Variants in IKZF1 observed in about 807,000 individuals in gnomAD.
IKZF1 encodes DNA-binding protein Ikaros.
IKZF1 carries 10 observed loss-of-function variants against 51.7 expected under a neutral mutation model. The observed-to-expected ratio is 0.19, with a 90% confidence interval of 0.12 to 0.33. The LOEUF (loss-of-function observed/expected upper bound fraction) is 0.33. Among genes scored for constraint, IKZF1 ranks in the 10% least tolerant of loss-of-function variants. The probability of loss-of-function intolerance (pLI) is 1.00; values close to 1 mark genes in which losing one functional copy is unlikely to be tolerated. For missense variants in IKZF1, 484 were observed against 707.5 expected (o/e 0.68, Z 3.58); for synonymous variants, 280 against 282.3 (o/e 0.99, Z 0.08).
At position 50,403,884 on chromosome 7, in the gene IKZF1, G is replaced by A. The variant is rs1818554828; in HGVS notation, c.*3257G>A. The A allele has an allele frequency of 1.4e-5, 3 of 217,598 alleles. No homozygotes were observed. Among genetic ancestry groups the A allele is most frequent in the South Asian group, 1.9e-4 (1 of 5,376 alleles). 13.5% of individuals were successfully genotyped at this position (217,598 alleles called of 1,614,324 possible). On this transcript the variant is annotated 3_prime_UTR_variant, in exon 8 of 8. Transcript: ENST00000331340. ...GTGTCCTCTTCTTGCCAAAACAAACGCGAGATGAACTGGACTTATGTAGAC... is the reference window on the plus strand; with the variant it reads ...GTGTCCTCTTCTTGCCAAAACAAACACGAGATGAACTGGACTTATGTAGAC...
rs1385914976 is a variant in IKZF1, at chr7:50,402,736, A to G, written c.*2109A>G. 4.3e-6 allele frequency: 1 copy of G among 230,102 alleles called. No homozygotes were observed. Among genetic ancestry groups the G allele is most frequent in the South Asian group, 1.8e-4 (1 of 5,486 alleles). The allele number at this position is 230,102 out of a possible 1,614,324, so 14.3% of individuals were successfully genotyped here. On this transcript the variant is annotated 3_prime_UTR_variant, in exon 8 of 8. Coordinates refer to ENST00000331340, the MANE Select transcript of IKZF1 (RefSeq NM_006060.6). Reference sequence around the variant, plus strand: ...TTTGTTGAAAAGATGGAGTTTACAAAGATACCATTCTTGAGTCATGGATTT... The same window carrying G: ...TTTGTTGAAAAGATGGAGTTTACAAGGATACCATTCTTGAGTCATGGATTT...
intron 2 of IKZF1, among the ~76,000 whole-genome samples, chr7:50,325,109 A>T (rs1318885690): frequency 6.6e-6 from 1 of 152,046 alleles, no homozygotes; most frequent in African/African-American, 2.4e-5. Flanking sequence ...GGTCATTTCT[A>T]TGAAGGTACT....
chr7:50,359,565 TGAGTC>T (rs2153444877), intron 3 of IKZF1, among the ~76,000 whole-genome samples: 1 of 152,336 alleles, frequency 6.6e-6, no homozygotes, highest in South Asian at 2.1e-4. Context: ...TCTCTACCTG[TGAGTC>T]GATTTTACTG....
chr7:50,345,468 G>A (rs750855702), intron 3 of IKZF1, among the ~76,000 whole-genome samples: 14 of 152,168 alleles, frequency 9.2e-5, no homozygotes, highest in Admixed American at 3.9e-4. Context: ...TAGGTTTGGA[G>A]CTCAGGTTTT....
intron 1 of IKZF1, among the ~76,000 whole-genome samples, chr7:50,311,401 A>T (rs1272724885): frequency 2.0e-5 from 3 of 152,352 alleles, no homozygotes; most frequent in Non-Finnish European, 2.9e-5. Flanking sequence ...CTAATGGTAG[A>T]TACTGTATCT....
intron 5 of IKZF1, among the ~76,000 whole-genome samples, chr7:50,383,585 A>G (rs1812476416): frequency 6.6e-6 from 1 of 152,202 alleles, no homozygotes. Context: ...CATACCGTCC[A>G]GTTGGGGATA....
At chr7:50,387,252 A>T (rs1185247744) in intron 5 of IKZF1, 93 bp from the exon 6 acceptor site, 10 of 1,400,934 alleles carry the variant, frequency 7.1e-6, no homozygotes, top group Middle Eastern at 3.9e-4. Flanking sequence ...TTTTTTTTTT[A>T]ACTTTTTTGG....
intron 4 of IKZF1, among the ~76,000 whole-genome samples, chr7:50,381,207 G>A (rs934004990): frequency 6.6e-6 from 1 of 152,166 alleles, no homozygotes; most frequent in African/African-American, 2.4e-5. Flanking sequence ...ATATGCTTCT[G>A]TGTAATCATT....
intron 1 of IKZF1, among the ~76,000 whole-genome samples, chr7:50,317,153 A>G (rs1401496513): frequency 2.6e-5 from 4 of 152,236 alleles, no homozygotes; most frequent in Admixed American, 2.0e-4. Context: ...TGTATCATTT[A>G]TGTAGCAAAA....
At chr7:50,392,455 G>A (rs1815403620) in intron 7 of IKZF1, among the ~76,000 whole-genome samples, 1 of 152,104 alleles carries the variant, frequency 6.6e-6, no homozygotes, top group South Asian at 2.1e-4. Context: ...GTAGGTATTA[G>A]ACACACCAAC....
chr7:50,405,010 A>G lies in IKZF1; in HGVS notation c.*4383A>G, dbSNP rs1818776643. On this transcript the variant is annotated 3_prime_UTR_variant, in exon 8 of 8. Coordinates refer to ENST00000331340, the MANE Select transcript of IKZF1 (RefSeq NM_006060.6). ...TTAAAAATCAGGACTGGGGACTGGG[A>G]GACCAAAAATTTCTGATCCCATTTC... 5.0e-6 allele frequency: 1 copy of G among 201,694 alleles called. No homozygotes were observed. The highest frequency in any genetic ancestry group is 1.9e-4 in the South Asian group (1 of 5,262). The allele number at this position is 201,694 out of a possible 1,614,324, so 12.5% of individuals were successfully genotyped here.
intron 3 of IKZF1, chr7:50,328,437 A>G (rs1372981814): frequency 1.3e-5 from 2 of 152,258 alleles, no homozygotes; most frequent in Non-Finnish European, 2.9e-5. Context: ...ACAGAGTCAG[A>G]ATTGAACTGA....
At chr7:50,350,827 T>C (rs559642642) in intron 3 of IKZF1, among the ~76,000 whole-genome samples, 1 of 152,346 alleles carries the variant, frequency 6.6e-6, no homozygotes, top group African/African-American at 2.4e-5. Context: ...AGCTGGGCTC[T>C]GGTAGCGCTT....
chr7:50,399,536 A>C (rs1562908549), intron 7 of IKZF1, among the ~76,000 whole-genome samples: 1 of 152,148 alleles, frequency 6.6e-6, no homozygotes, highest in Non-Finnish European at 1.5e-5. Context: ...TACTGAGAAC[A>C]CTCTACTGAA....
intron 4 of IKZF1, among the ~76,000 whole-genome samples, chr7:50,378,443 C>G (rs930656437): frequency 2.0e-5 from 3 of 152,174 alleles, no homozygotes; most frequent in Non-Finnish European, 4.4e-5. Flanking sequence ...TAACAGGATA[C>G]TCGGGGACCC....
intron 3 of IKZF1, among the ~76,000 whole-genome samples, chr7:50,345,741 A>G (rs1347980296): frequency 6.6e-6 from 1 of 152,242 alleles, no homozygotes; most frequent in Admixed American, 6.5e-5. Context: ...CTATCTCCTC[A>G]TCCCACAAGC....
chr7:50,349,686 G>T (rs1459135148), intron 3 of IKZF1, among the ~76,000 whole-genome samples: 1 of 152,136 alleles, frequency 6.6e-6, no homozygotes, highest in African/African-American at 2.4e-5. Flanking sequence ...TGGGGGTGAT[G>T]GGGAATGGGT....
intron 2 of IKZF1, among the ~76,000 whole-genome samples, chr7:50,319,856 G>A (rs1792681535): frequency 6.6e-6 from 1 of 152,186 alleles, no homozygotes; most frequent in African/African-American, 2.4e-5. Flanking sequence ...AGTTCTCAGT[G>A]GCACCTTGCC....
At chr7:50,370,984 C>T (rs1388569163) in intron 3 of IKZF1, among the ~76,000 whole-genome samples, 2 of 152,144 alleles carry the variant, frequency 1.3e-5, no homozygotes, top group East Asian at 1.9e-4. Flanking sequence ...CAGAAGGGCA[C>T]GGCCAGGCAA....
Sources: gnomAD v4.1 joint callset for allele counts (sites outside exome capture counted in the v4.1 genomes callset) on GRCh38, gnomAD v4.1.1 for gene constraint, MANE v1.5 for transcripts, NCBI Gene and HGNC (gene_info 2026-07-23, HGNC 2026-07-21) for gene names.